The following CNTNAP2 variants were observed in gnomAD, a reference collection of about 807,000 sequenced individuals.
CNTNAP2 encodes the protein contactin-associated protein-like 2.
In CNTNAP2, 98 loss-of-function variants were observed where a neutral mutation model predicts 155.2. That is an observed-to-expected ratio of 0.63 (90% CI 0.54 to 0.75). The LOEUF (loss-of-function observed/expected upper bound fraction) is 0.75. Among genes scored for constraint, CNTNAP2 ranks in the 30% least tolerant of loss-of-function variants. The probability of loss-of-function intolerance (pLI) is 0.00; values close to 1 mark genes in which losing one functional copy is unlikely to be tolerated. For synonymous variants in CNTNAP2, 651 were observed against 631.2 expected (o/e 1.03, Z -0.47); for missense variants, 1,727 against 1,688.1 (o/e 1.02, Z -0.40).
At chr7:146,550,422 T>TA (rs1798103490) in intron 1 of CNTNAP2, among the ~76,000 whole-genome samples, 1 of 141,928 alleles carries the variant, frequency 7.0e-6, no homozygotes, top group Non-Finnish European at 1.6e-5. Context: ...TTTTTTTTTT[T>TA]TTTTTTTATA....
At chr7:148,328,550 C>G (rs1024669786) in intron 21 of CNTNAP2, among the ~76,000 whole-genome samples, 1 of 152,030 alleles carries the variant, frequency 6.6e-6, no homozygotes, top group Non-Finnish European at 1.5e-5. Context: ...AGGGTTTTCT[C>G]AAGACCTGGG....
chr7:148,118,488 G>C (rs1804525494), intron 16 of CNTNAP2, among the ~76,000 whole-genome samples, 200 bp downstream of exon 16: 1 of 152,126 alleles, frequency 6.6e-6, no homozygotes, highest in African/African-American at 2.4e-5. Flanking sequence ...AGGGAAGCAG[G>C]CACATCCAGA....
At chr7:146,892,812 T>C (rs12703847) in intron 3 of CNTNAP2, among the ~76,000 whole-genome samples, 43,636 of 152,138 alleles carry the variant, frequency 0.29, 7,323 homozygotes, top group Middle Eastern at 0.38. Context: ...TCTTTAATGA[T>C]TTATTTTTTA....
At chr7:146,637,106 A>G (rs917867303) in intron 1 of CNTNAP2, among the ~76,000 whole-genome samples, 3 of 152,198 alleles carry the variant, frequency 2.0e-5, no homozygotes, top group African/African-American at 7.2e-5. Flanking sequence ...TCTGAAAACC[A>G]AATATTGAAA....
intron 3 of CNTNAP2, among the ~76,000 whole-genome samples, chr7:146,989,002 C>T (rs1237666464): frequency 6.6e-6 from 1 of 152,156 alleles, no homozygotes; most frequent in Non-Finnish European, 1.5e-5. Context: ...TTTTCCTCTC[C>T]ATATTTCTTT....
At chr7:147,985,148 A>AG (rs1563157956) in intron 15 of CNTNAP2, among the ~76,000 whole-genome samples, 34 of 151,404 alleles carry the variant, frequency 2.2e-4, no homozygotes, top group East Asian at 5.9e-4. Flanking sequence ...ATAAATAAAT[A>AG]ACTATTTACA....
chr7:146,669,947 C>A (rs1362901688), intron 1 of CNTNAP2, among the ~76,000 whole-genome samples: 1 of 152,116 alleles, frequency 6.6e-6, no homozygotes, highest in Non-Finnish European at 1.5e-5. Context: ...TTCAAACTCT[C>A]TGGAGAGCAA....
intron 1 of CNTNAP2, among the ~76,000 whole-genome samples, chr7:146,501,868 G>A (rs1797305112): frequency 6.6e-6 from 1 of 152,060 alleles, no homozygotes; most frequent in Non-Finnish European, 1.5e-5. Flanking sequence ...AGAAGGGAAG[G>A]CCATGTTAAC....
intron 15 of CNTNAP2, among the ~76,000 whole-genome samples, chr7:148,002,405 GA>G (rs564469541): frequency 1.3e-5 from 2 of 151,528 alleles, no homozygotes; most frequent in Non-Finnish European, 2.9e-5. Flanking sequence ...CTCATTGCTA[GA>G]AAAAAAATGC....
chr7:146,324,142 A>G (rs114735061), intron 1 of CNTNAP2, among the ~76,000 whole-genome samples: 5,194 of 152,180 alleles, frequency 0.034, 156 homozygotes, highest in African/African-American at 0.079. Context: ...GGTGCCTGTA[A>G]TCCCAGGTAC....
chr7:147,461,159 G>A (rs1305572791), intron 10 of CNTNAP2, among the ~76,000 whole-genome samples: 1 of 152,150 alleles, frequency 6.6e-6, no homozygotes, highest in Non-Finnish European at 1.5e-5. Flanking sequence ...CTGCTTCACA[G>A]TAATGACAAA....
At chr7:146,794,810 T>C (rs934906130) in intron 2 of CNTNAP2, among the ~76,000 whole-genome samples, 3 of 152,224 alleles carry the variant, frequency 2.0e-5, no homozygotes, top group Non-Finnish European at 2.9e-5. Context: ...AGCAAGAATC[T>C]ACTCTAAACA....
At chr7:148,225,752 A>T (rs1795835231) in intron 19 of CNTNAP2, among the ~76,000 whole-genome samples, 1 of 152,182 alleles carries the variant, frequency 6.6e-6, no homozygotes, top group Admixed American at 6.5e-5. Context: ...GGAGATGGCG[A>T]CAAGTGGTAA....
At chr7:146,923,830 C>G (rs923419499) in intron 3 of CNTNAP2, among the ~76,000 whole-genome samples, 4 of 152,052 alleles carry the variant, frequency 2.6e-5, no homozygotes, top group Non-Finnish European at 5.9e-5. Context: ...AGTGTAGTGC[C>G]TGGATAAACA....
chr7:148,308,430 T>C (rs1047114473), intron 21 of CNTNAP2, among the ~76,000 whole-genome samples: 1 of 96,578 alleles, frequency 1.0e-5, no homozygotes, highest in African/African-American at 3.8e-5. Context: ...TAAGAACGAA[T>C]GTACCTACAC....
At chr7:146,188,184 A>C (rs1164138174) in intron 1 of CNTNAP2, among the ~76,000 whole-genome samples, 1 of 152,192 alleles carries the variant, frequency 6.6e-6, no homozygotes, top group Non-Finnish European at 1.5e-5. Context: ...CAACCACAAA[A>C]AATTCCATAA....
At chr7:148,371,361 G>A (rs1257969938) in intron 21 of CNTNAP2, among the ~76,000 whole-genome samples, 1 of 152,064 alleles carries the variant, frequency 6.6e-6, no homozygotes, top group Non-Finnish European at 1.5e-5. Context: ...TATAGAAATT[G>A]GTTATTCGTT....
At chr7:148,285,285 T>C (rs573693247) in intron 21 of CNTNAP2, among the ~76,000 whole-genome samples, 2 of 152,258 alleles carry the variant, frequency 1.3e-5, no homozygotes, top group Non-Finnish European at 2.9e-5. Flanking sequence ...GATAATCTTC[T>C]AAAAGAAGTG....
intron 1 of CNTNAP2, among the ~76,000 whole-genome samples, chr7:146,600,988 C>A (rs1798941762): frequency 6.6e-6 from 1 of 152,056 alleles, no homozygotes; most frequent in Non-Finnish European, 1.5e-5. Context: ...TGTTCATTAA[C>A]ATAATTATAC....
Sources: gnomAD v4.1 joint callset for allele counts (sites outside exome capture counted in the v4.1 genomes callset) on GRCh38, gnomAD v4.1.1 for gene constraint, MANE v1.5 for transcripts, NCBI Gene and HGNC (gene_info 2026-07-23, HGNC 2026-07-21) for gene names.